TBX4: variants seen among roughly 807,000 people sequenced by gnomAD.
TBX4 encodes T-box transcription factor TBX4.
In TBX4, 13 loss-of-function variants were observed where a neutral mutation model predicts 54.6. The ratio of observed to expected loss-of-function variants is 0.24; its 90% CI spans 0.15 to 0.38. The LOEUF is 0.38. TBX4 is among the 10% of genes least tolerant of loss of function. The pLI, the probability that TBX4 is intolerant of heterozygous loss-of-function variation, is 1.00. For missense variants in TBX4, 631 were observed against 728.5 expected (o/e 0.87, Z 1.54); for synonymous variants, 314 against 306.7 (o/e 1.02, Z -0.25).
rs1304801904 is a variant in TBX4 at position 61,465,804 on chromosome 17, C to T, written c.282-15C>T. ...CTCTGTCCACACGCTCCGCCTCACC[C>T]CTCGGCTCCCCCAGGAGGATGTTCC... On this transcript the variant is annotated splice_polypyrimidine_tract_variant and intron_variant, in intron 3 of 8. Transcript: ENST00000644296. This position sits in a 1 kb window ranked among gnomAD's most constrained non-coding sequence, Gnocchi z 4.9. 1.2e-6 allele frequency: 2 copies of T among 1,613,716 alleles called. No homozygotes were observed. Among genetic ancestry groups the T allele is most frequent in the East Asian group, 4.5e-5 (2 of 44,882 alleles).
Position 61,480,200 on chromosome 17 carries a change from A to G in TBX4, c.902A>G (p.Gln301Arg), listed in dbSNP as rs1336882991. The change falls in exon 8 of 9, where the codon CAG (glutamine) becomes CGG (arginine). Residue 301 changes from glutamine (Q) to arginine (R), a missense_variant. Physicochemically the swap from Gln to Arg is conservative, Grantham distance 43 (BLOSUM62 1). This residue lies in a region of TBX4 where 354 missense variants were observed against 368.9 expected (regional missense o/e 0.96). Coordinates refer to ENST00000644296, the MANE Select transcript of TBX4 (RefSeq NM_001321120.2). The surrounding 1 kb of genome is among the most constrained non-coding windows in gnomAD (Gnocchi z 6.2). ...GPLLGTHQALQHYQHENGAHS... is the reference protein window; with the variant it reads ...GPLLGTHQALRHYQHENGAHS... Reference sequence around the variant, plus strand: ...CTGCTCGGCACCCACCAGGCACTCCAGCACTACCAGCACGAGAACGGGGCA... The same window carrying G: ...CTGCTCGGCACCCACCAGGCACTCCGGCACTACCAGCACGAGAACGGGGCA... 6.2e-6 allele frequency: 10 copies of G among 1,613,950 alleles called. No individual in the cohort carries two copies. Among genetic ancestry groups the G allele is most frequent in the South Asian group, 4.4e-5 (4 of 91,080 alleles).
rs1270884125 is a variant in TBX4, at chr17:61,457,198, CCT to C, written c.187-335_187-334del. ...GCGCGCCTGGCCGAGGGTGCGTGCGCCTCTCCCTGTCTGTGTCTGCCCCGGGA... is the reference window on the plus strand; with the variant it reads ...GCGCGCCTGGCCGAGGGTGCGTGCGCCTCCCTGTCTGTGTCTGCCCCGGGA... On this transcript the variant is annotated intron_variant, in intron 2 of 8. Transcript: ENST00000644296. This position sits in a 1 kb window ranked among gnomAD's most constrained non-coding sequence, Gnocchi z 8.2. 6.6e-6 allele frequency among the ~76,000 whole-genome samples: 1 copy of C among 152,116 alleles called. No homozygotes were observed. Among genetic ancestry groups the C allele is most frequent in the Non-Finnish European group, 1.5e-5 (1 of 68,008 alleles).
In TBX4 at chr17:61,475,352, G is replaced by A. The variant is rs946328970; in HGVS notation, c.550-3275G>A. Among the ~76,000 whole-genome samples the A allele has an allele frequency of 6.6e-6, 1 of 152,200 alleles. No individual in the cohort carries two copies. The highest frequency in any genetic ancestry group is 2.4e-5 in the African/African-American group (1 of 41,438). On this transcript the variant is annotated intron_variant, in intron 5 of 8. Transcript: ENST00000644296. The surrounding 1 kb of genome is among the most constrained non-coding windows in gnomAD (Gnocchi z 5.0). The stretch of plus-strand genomic sequence containing the variant: ...GGCAGCAGTGGTAGGAGGGGATGTG[G>A]GGGAAAGAGGAGGAAATACAAAAGG...
chr17:61,456,725 CG>C, intron 2 of TBX4, 49 bp downstream of exon 2: 1 of 1,307,296 alleles, frequency 7.6e-7, no homozygotes, highest in Non-Finnish European at 9.8e-7. Flanking sequence ...GGTCTGTCTG[CG>C]GGGCCGCCTG....
chr17:61,462,650 G>A lies in TBX4; in HGVS notation c.282-3169G>A, dbSNP rs1459847878. 6.6e-6 allele frequency among the ~76,000 whole-genome samples: 1 copy of A among 152,168 alleles called. No individual in the cohort carries two copies. Among genetic ancestry groups the A allele is most frequent in the Non-Finnish European group, 1.5e-5 (1 of 68,018 alleles). ...ACAGGCGGGCTTCACCGCCAGCGCT[G>A]GTGGCAGGGCCTGCGTGGACACAGG... On this transcript the variant is annotated intron_variant, in intron 3 of 8. Transcript: ENST00000644296. This position sits in a 1 kb window ranked among gnomAD's most constrained non-coding sequence, Gnocchi z 4.5.
rs2060586193 is a variant in TBX4, at chr17:61,472,308, AG to A, written c.549+4654del. On this transcript the variant is annotated intron_variant, in intron 5 of 8. Transcript: ENST00000644296. This position sits in a 1 kb window ranked among gnomAD's most constrained non-coding sequence, Gnocchi z 4.5. ...CACCACTGCTGTGGCCTTACCAATA[AG>A]GGCGGGAGAGCAAACTTGTGGATTT... 6.6e-6 allele frequency among the ~76,000 whole-genome samples: 1 copy of A among 152,330 alleles called. No homozygotes were observed. Among genetic ancestry groups the A allele is most frequent in the East Asian group, 1.9e-4 (1 of 5,190 alleles).
chr17:61,456,790 T>G (rs2060453894), intron 2 of TBX4, 114 bp downstream of exon 2: 2 of 821,546 alleles, frequency 2.4e-6, no homozygotes, highest in South Asian at 4.1e-5. Context: ...AGGACCTGGC[T>G]GCATTCAGGA....
At chr17:61,454,336 G>A (rs2060432118) in intron 1 of TBX4, among the ~76,000 whole-genome samples, 1 of 152,262 alleles carries the variant, frequency 6.6e-6, no homozygotes, top group Non-Finnish European at 1.5e-5. Flanking sequence ...TTTGGAAAAC[G>A]AGGCAGCTGA....
At position 61,483,261 on chromosome 17, in the gene TBX4, G is replaced by C. The variant is rs938600960; in HGVS notation, c.1386G>C (p.Gln462His). ...CGCGGCTGCCCACCCTCTCCGCTCA[G>C]AGCTCCCAGCCACCAGGAAATGCCC... is the stretch of plus-strand genomic sequence containing the variant. ...MMPRLPTLSAQSSQPPGNAHF... is the reference protein window; with the variant it reads ...MMPRLPTLSAHSSQPPGNAHF... The change falls in exon 9 of 9, where the codon CAG becomes CAC. Residue 462 changes from glutamine to histidine, a missense_variant. Coordinates refer to ENST00000644296, the MANE Select transcript of TBX4 (RefSeq NM_001321120.2). The surrounding 1 kb of genome is among the most constrained non-coding windows in gnomAD (Gnocchi z 6.6). The C allele has an allele frequency of 1.2e-6, 2 of 1,614,134 alleles. No individual in the cohort carries two copies. Among genetic ancestry groups the C allele is most frequent in the Non-Finnish European group, 1.7e-6 (2 of 1,180,012 alleles).
In TBX4 at chr17:61,480,355, A is replaced by G. The variant is rs772430559; in HGVS notation, c.1021+36A>G. The G allele has an allele frequency of 3.2e-6, 5 of 1,565,064 alleles. No individual in the cohort carries two copies. In the South Asian group the frequency reaches 5.7e-5, roughly 18 times the overall value. ...CCTGGTCTAGAAGCCCTAGAGGGTA[A>G]GAGGAGCGGTGAGGTTCTCCCCGAA... On this transcript the variant is annotated intron_variant, in intron 8 of 8. Transcript: ENST00000644296. This position sits in a 1 kb window ranked among gnomAD's most constrained non-coding sequence, Gnocchi z 6.2.
chr17:61,483,541 G>A lies in TBX4; in HGVS notation c.*25G>A, dbSNP rs185650741. 3.3e-3 allele frequency: 5,312 copies of A among 1,613,680 alleles called. 12 individuals are homozygous for A. The highest frequency in any genetic ancestry group is 4.2e-3 in the Non-Finnish European group (4,899 of 1,180,000). ...ACTCTCACGTCTCCTCCATAGCCCC[G>A]GGACCGTGTTGCTCCAGTATTAACC... On this transcript the variant is annotated 3_prime_UTR_variant, in exon 9 of 9. Coordinates refer to ENST00000644296, the MANE Select transcript of TBX4 (RefSeq NM_001321120.2). The surrounding 1 kb of genome is among the most constrained non-coding windows in gnomAD (Gnocchi z 6.6).
At position 61,459,702 on chromosome 17, in the gene TBX4, C is replaced by G. The variant is rs2060481120; in HGVS notation, c.281+2071C>G. Among the ~76,000 whole-genome samples, 1 of 152,122 alleles carries G rather than the reference C, an allele frequency of 6.6e-6. No homozygotes were observed. The highest frequency in any genetic ancestry group is 6.5e-5 in the Admixed American group (1 of 15,274). ...ATCCTAGTTGAGGCTTAGAGATGGACCTTAGGGAATTATGATAATATTTCT... is the reference window on the plus strand; with the variant it reads ...ATCCTAGTTGAGGCTTAGAGATGGAGCTTAGGGAATTATGATAATATTTCT... On this transcript the variant is annotated intron_variant, in intron 3 of 8. Transcript: ENST00000644296. This position sits in a 1 kb window ranked among gnomAD's most constrained non-coding sequence, Gnocchi z 4.8.
At chr17:61,452,974 A>T in intron 1 of TBX4, 2 of 985,438 alleles carry the variant, frequency 2.0e-6, no homozygotes, top group African/African-American at 3.5e-5. Context: ...TGGAGCGAAA[A>T]TCCGTGTAGA....
intron 4 of TBX4, among the ~76,000 whole-genome samples, chr17:61,466,657 C>T (rs972549820): frequency 2.0e-5 from 3 of 152,168 alleles, no homozygotes; most frequent in African/African-American, 4.8e-5. Context: ...GAGATTGGGC[C>T]GAGCAGGCAG....
At chr17:61,463,593 C>T (rs901552029) in intron 3 of TBX4, among the ~76,000 whole-genome samples, 17 of 152,226 alleles carry the variant, frequency 1.1e-4, no homozygotes, top group Admixed American at 9.2e-4. Flanking sequence ...AGGCCAGGGC[C>T]CCTTAGCCTC....
chr17:61,483,666 G>A lies in TBX4; in HGVS notation c.*150G>A, dbSNP rs938555604. On this transcript the variant is annotated 3_prime_UTR_variant, in exon 9 of 9. Transcript: ENST00000644296. This position sits in a 1 kb window ranked among gnomAD's most constrained non-coding sequence, Gnocchi z 6.6. ...TGTGTGTGTGTGTATACACGAGCATGTATGTATTTGGAGAGCATCCATCTT... is the reference window on the plus strand; with the variant it reads ...TGTGTGTGTGTGTATACACGAGCATATATGTATTTGGAGAGCATCCATCTT... 1.2e-6 allele frequency: 1 copy of A among 838,744 alleles called. No individual in the cohort carries two copies. The highest frequency in any genetic ancestry group is 2.3e-5 in the Admixed American group (1 of 42,702). 52.0% of individuals were successfully genotyped at this position (838,744 alleles called of 1,614,324 possible). A position where few individuals can be genotyped will look rare whatever the true frequency, so the allele number is the denominator to read the frequency against.
At chr17:61,466,429 C>T (rs1003160016) in intron 4 of TBX4, among the ~76,000 whole-genome samples, 3 of 152,192 alleles carry the variant, frequency 2.0e-5, no homozygotes, top group African/African-American at 7.2e-5. Flanking sequence ...AGTGAGGCTC[C>T]ACCAGGGGGT....
At chr17:61,454,431 TA>T (rs2060432767) in intron 1 of TBX4, among the ~76,000 whole-genome samples, 1 of 152,214 alleles carries the variant, frequency 6.6e-6, no homozygotes, top group Non-Finnish European at 1.5e-5. Flanking sequence ...AGCGGACCGC[TA>T]TGCGGTGCTG....
intron 5 of TBX4, among the ~76,000 whole-genome samples, chr17:61,470,505 C>T (rs1008504111): frequency 6.6e-6 from 1 of 152,180 alleles, no homozygotes; most frequent in Non-Finnish European, 1.5e-5. Flanking sequence ...AAGGACTGAG[C>T]TCCCACTAGA....
Sources: gnomAD v4.1 joint callset for allele counts (sites outside exome capture counted in the v4.1 genomes callset) on GRCh38, gnomAD v4.1.1 for gene constraint, gnomAD v4.1.1 regional missense constraint, Gnocchi (gnomAD v3.1) non-coding constraint, MANE v1.5 for transcripts, NCBI Gene and HGNC (gene_info 2026-07-23, HGNC 2026-07-21) for gene names.